The following FAM227B variants were observed in gnomAD, a reference collection of about 807,000 sequenced individuals.
FAM227B encodes family with sequence similarity 227 member B, also known as protein FAM227B.
FAM227B carries 88 observed loss-of-function variants against 73.8 expected under a neutral mutation model. The observed-to-expected ratio is 1.19, with a 90% confidence interval of 1.00 to 1.42. The LOEUF (loss-of-function observed/expected upper bound fraction) is 1.42. FAM227B is among the 40% of genes most tolerant of loss of function. The pLI is 0.00. For missense variants in FAM227B, 632 were observed against 590.9 expected, an observed-to-expected ratio of 1.07 and a Z score of -0.72; for synonymous variants, 210 against 190.5, an observed-to-expected ratio of 1.10 and a Z score of -0.84.
chr15:49,546,909 C>T (rs2071990582), intron 9 of FAM227B, among the ~76,000 whole-genome samples: 1 of 152,128 alleles, frequency 6.6e-6, no homozygotes, highest in Non-Finnish European at 1.5e-5. Flanking sequence ...GGCCAACATT[C>T]AAATTCAGGA....
chr15:49,354,719 G>C (rs1253507860), intron 13 of FAM227B, among the ~76,000 whole-genome samples: 1 of 152,286 alleles, frequency 6.6e-6, no homozygotes, highest in East Asian at 1.9e-4. Flanking sequence ...CGGGAAGCTC[G>C]AACTGGGTGG....
At chr15:49,541,914 C>G (rs555912862) in intron 9 of FAM227B, 108 bp from the exon 10 acceptor site, 1 of 906,078 alleles carries the variant, frequency 1.1e-6, no homozygotes, top group African/African-American at 1.7e-5. Flanking sequence ...ATTTATTAAC[C>G]GAATAAAAAT....
At chr15:49,333,936 AT>A (rs1287337748) in intron 14 of FAM227B, among the ~76,000 whole-genome samples, 2 of 151,898 alleles carry the variant, frequency 1.3e-5, no homozygotes, top group Non-Finnish European at 2.9e-5. Flanking sequence ...GACCAGCTAA[AT>A]CTGTTGTTTT....
At chr15:49,473,605 A>T (rs1266222963) in intron 11 of FAM227B, among the ~76,000 whole-genome samples, 6 of 152,112 alleles carry the variant, frequency 3.9e-5, no homozygotes, top group African/African-American at 1.4e-4. Context: ...GAGGGGTATA[A>T]TGACTCTCTA....
intron 8 of FAM227B, among the ~76,000 whole-genome samples, chr15:49,570,761 C>G (rs1303448223): frequency 6.7e-6 from 1 of 150,036 alleles, no homozygotes; most frequent in Non-Finnish European, 1.5e-5. Flanking sequence ...GCAAAACATC[C>G]AGTTCCATCT....
intron 11 of FAM227B, among the ~76,000 whole-genome samples, chr15:49,454,790 T>C (rs1299808736): frequency 6.6e-6 from 1 of 152,110 alleles, no homozygotes; most frequent in East Asian, 1.9e-4. Context: ...TTTGTATTTT[T>C]AGTAGACACA....
At chr15:49,442,427 A>C (rs1413302697) in intron 11 of FAM227B, among the ~76,000 whole-genome samples, 1 of 151,724 alleles carries the variant, frequency 6.6e-6, no homozygotes, top group Non-Finnish European at 1.5e-5. Context: ...ACTGTAAAAC[A>C]GTATACAAAC....
chr15:49,479,795 G>A (rs970888238), intron 11 of FAM227B, among the ~76,000 whole-genome samples: 1 of 151,814 alleles, frequency 6.6e-6, no homozygotes, highest in Non-Finnish European at 1.5e-5. Flanking sequence ...TGTATTTTTA[G>A]TAGAGATGGG....
intron 13 of FAM227B, among the ~76,000 whole-genome samples, chr15:49,354,591 G>T (rs1170718173): frequency 6.6e-6 from 1 of 152,184 alleles, no homozygotes; most frequent in African/African-American, 2.4e-5. Flanking sequence ...GGCTGGAAGG[G>T]TCCTACGCCC....
chr15:49,471,405 C>T (rs2054737808), intron 11 of FAM227B, among the ~76,000 whole-genome samples: 1 of 151,372 alleles, frequency 6.6e-6, no homozygotes, highest in East Asian at 1.9e-4. Flanking sequence ...ATTGCTTGAA[C>T]CTGAGAGGCG....
At chr15:49,600,423 G>A (rs1388779832) in intron 3 of FAM227B, among the ~76,000 whole-genome samples, 1 of 151,310 alleles carries the variant, frequency 6.6e-6, no homozygotes, top group Non-Finnish European at 1.5e-5. Context: ...AGAGGCCAAG[G>A]CGGGTGGGTC....
At chr15:49,518,182 C>T (rs1011690381) in intron 10 of FAM227B, among the ~76,000 whole-genome samples, 1 of 152,132 alleles carries the variant, frequency 6.6e-6, no homozygotes, top group African/African-American at 2.4e-5. Flanking sequence ...CAAAAGTATG[C>T]ATATGCTCAG....
chr15:49,576,671 A>G (rs1285361180), intron 7 of FAM227B, 70 bp downstream of exon 7: 1 of 895,530 alleles, frequency 1.1e-6, no homozygotes, highest in Non-Finnish European at 1.7e-6. Flanking sequence ...TCATAGCTTT[A>G]AGTAAAGGTC....
intron 11 of FAM227B, among the ~76,000 whole-genome samples, chr15:49,490,478 G>A (rs948105975): frequency 6.6e-6 from 1 of 151,970 alleles, no homozygotes; most frequent in Non-Finnish European, 1.5e-5. Flanking sequence ...ATGGAAGAAG[G>A]TGAGTAATTA....
intron 9 of FAM227B, 69 bp downstream of exon 9, chr15:49,568,176 A>G: frequency 1.5e-6 from 2 of 1,349,028 alleles, no homozygotes; most frequent in East Asian, 4.9e-5. Flanking sequence ...GGGTTTAAAT[A>G]AAATAACGAT....
chr15:49,461,572 TG>T (rs2053805020), intron 11 of FAM227B, among the ~76,000 whole-genome samples: 1 of 152,240 alleles, frequency 6.6e-6, no homozygotes, highest in Non-Finnish European at 1.5e-5. Context: ...CACGTACTTC[TG>T]TTTAATTTAG....
intron 12 of FAM227B, among the ~76,000 whole-genome samples, chr15:49,369,099 C>G (rs2045604575): frequency 6.6e-6 from 1 of 151,628 alleles, no homozygotes; most frequent in South Asian, 2.1e-4. Flanking sequence ...GCTGGGACTA[C>G]AGGCGTCCAC....
rs545182663 is a variant in FAM227B at position 49,421,466 on chromosome 15, C to T, written c.1013-50067G>A. Among the ~76,000 whole-genome samples the T allele has an allele frequency of 3.9e-5, 6 of 152,334 alleles. No homozygotes were observed. The South Asian group carries it at 1.2e-3, about 32-fold the overall frequency. Reference sequence around the variant, plus strand: ...GCATCTAATGCACTTTCATAGATCACAATTTTATTCTTTTGTTTCCCATTT... The same window carrying T: ...GCATCTAATGCACTTTCATAGATCATAATTTTATTCTTTTGTTTCCCATTT... On this transcript the variant is annotated intron_variant, in intron 11 of 15. Transcript: ENST00000299338.
chr15:49,600,626 G>C (rs2077134005), intron 3 of FAM227B, among the ~76,000 whole-genome samples: 1 of 148,486 alleles, frequency 6.7e-6, no homozygotes, highest in African/African-American at 2.5e-5. Flanking sequence ...CTGCACTCCA[G>C]CCTGGGTGAC....
Sources: allele counts gnomAD v4.1 joint callset (sites outside exome capture counted in the v4.1 genomes callset), GRCh38; gene constraint gnomAD v4.1.1; transcripts MANE v1.5; gene names NCBI Gene and HGNC (gene_info 2026-07-23, HGNC 2026-07-21).